Variants in BCAS3 observed in about 807,000 individuals in gnomAD.
BCAS3 encodes BCAS4/BCAS3 fusion.
A neutral mutation model predicts 116.1 loss-of-function variants in BCAS3; 53 were observed. That is an observed-to-expected ratio of 0.46 (90% CI 0.37 to 0.57). The LOEUF (loss-of-function observed/expected upper bound fraction) is 0.57, where lower values mean the gene tolerates loss of function less well. BCAS3 is among the 20% of genes least tolerant of loss of function. BCAS3 has a pLI of 0.00. For missense variants in BCAS3, 917 were observed against 1,165.4 expected, an observed-to-expected ratio of 0.79 and a Z score of 3.10; for synonymous variants, 391 against 408.2, an observed-to-expected ratio of 0.96 and a Z score of 0.51.
At chr17:60,769,774 AT>A (rs976113815) in intron 6 of BCAS3, among the ~76,000 whole-genome samples, 39 of 150,304 alleles carry the variant, frequency 2.6e-4, no homozygotes, top group Admixed American at 3.3e-4. Flanking sequence ...ATTTTTTTTA[AT>A]TTTTTTTTTA....
rs1751146404 is a variant in BCAS3, at chr17:61,041,147, G to A, written c.2029+255G>A. Among the ~76,000 whole-genome samples the A allele has an allele frequency of 6.6e-6, 1 of 151,708 alleles. No individual in the cohort carries two copies. The highest frequency in any genetic ancestry group is 1.5e-5 in the Non-Finnish European group (1 of 67,950). ...TTAAGTTGATAGGGAATATCTGGAG[G>A]GCTCAAAAATTCAAACAAACATAAA... On this transcript the variant is annotated intron_variant, in intron 19 of 23. Transcript: ENST00000407086. This position sits in a 1 kb window ranked among gnomAD's most constrained non-coding sequence, Gnocchi z 4.7.
intron 22 of BCAS3, among the ~76,000 whole-genome samples, chr17:61,328,392 A>G (rs746324333): frequency 2.0e-5 from 3 of 152,228 alleles, no homozygotes; most frequent in Non-Finnish European, 4.4e-5. Flanking sequence ...TCAGACTGCT[A>G]TAACAGAATA....
intron 15 of BCAS3, among the ~76,000 whole-genome samples, chr17:61,014,494 G>A (rs113556294): frequency 0.041 from 6,215 of 151,986 alleles, 456 homozygotes; most frequent in African/African-American, 0.14. Context: ...TTTAGCAAAT[G>A]GTGATGGAAC....
chr17:60,965,517 G>A (rs534797630), intron 14 of BCAS3, among the ~76,000 whole-genome samples: 8 of 152,004 alleles, frequency 5.3e-5, no homozygotes, highest in African/African-American at 1.2e-4. Context: ...CACCACGCCC[G>A]GCCTATATAT....
At chr17:60,929,446 T>A (rs1410411075) in intron 13 of BCAS3, among the ~76,000 whole-genome samples, 3 of 152,102 alleles carry the variant, frequency 2.0e-5, no homozygotes, top group Admixed American at 1.3e-4. Flanking sequence ...ATTAAAAAAT[T>A]AAGTAAAATG....
Position 61,032,223 on chromosome 17 carries a change from C to T in BCAS3, c.1638-2443C>T, listed in dbSNP as rs1359020923. 2.0e-5 allele frequency among the ~76,000 whole-genome samples: 3 copies of T among 152,098 alleles called. No individual in the cohort carries two copies. The highest frequency in any genetic ancestry group is 6.6e-5 in the Admixed American group (1 of 15,258). ...AGGCATGCTCACTTGTTACTTACCACATGATTTAAAAACAACAACAATGAC... is the reference window on the plus strand; with the variant it reads ...AGGCATGCTCACTTGTTACTTACCATATGATTTAAAAACAACAACAATGAC... On this transcript the variant is annotated intron_variant, in intron 16 of 23. Transcript: ENST00000407086. This position sits in a 1 kb window ranked among gnomAD's most constrained non-coding sequence, Gnocchi z 4.6.
chr17:61,102,474 C>T (rs573460638), intron 22 of BCAS3, among the ~76,000 whole-genome samples: 20 of 152,194 alleles, frequency 1.3e-4, no homozygotes, highest in African/African-American at 4.3e-4. Flanking sequence ...GAGGTAAAAG[C>T]ACTGTTACAA....
At chr17:61,221,317 T>C (rs1184814505) in intron 22 of BCAS3, among the ~76,000 whole-genome samples, 7 of 152,166 alleles carry the variant, frequency 4.6e-5, no homozygotes, top group Non-Finnish European at 7.3e-5. Flanking sequence ...TACTTACAAT[T>C]GGTTTTTATC....
rs1277903902 is a variant in BCAS3, at chr17:61,349,018, C to G, written c.2426-19309C>G. On this transcript the variant is annotated intron_variant, in intron 22 of 23. Transcript: ENST00000407086. This position sits in a 1 kb window ranked among gnomAD's most constrained non-coding sequence, Gnocchi z 4.7. ...CCACCCACCTCAGCCTCCCAAAGTG[C>G]TGGGATTACAGGCGTGAGCCACCGT... Among the ~76,000 whole-genome samples the G allele has an allele frequency of 2.0e-5, 3 of 151,884 alleles. No homozygotes were observed. Among genetic ancestry groups the G allele is most frequent in the Non-Finnish European group, 4.4e-5 (3 of 67,960 alleles).
intron 7 of BCAS3, among the ~76,000 whole-genome samples, chr17:60,821,537 A>G (rs1022199750): frequency 4.6e-5 from 7 of 152,164 alleles, no homozygotes; most frequent in Admixed American, 4.6e-4. Context: ...TTTCTTCAAG[A>G]TAACCAATGT....
In BCAS3 at chr17:61,333,255, C is replaced by T. The variant is rs923122146; in HGVS notation, c.2426-35072C>T. On this transcript the variant is annotated intron_variant, in intron 22 of 23. Coordinates refer to ENST00000407086, the MANE Select transcript of BCAS3 (RefSeq NM_017679.5). This position sits in a 1 kb window ranked among gnomAD's most constrained non-coding sequence, Gnocchi z 4.8. ...GAGCAGCTGGTCCCTCAGACCTTGC[C>T]AGCCACTTCTGCGGTGGTTGTCGGT... 1.3e-5 allele frequency among the ~76,000 whole-genome samples: 2 copies of T among 152,170 alleles called. No homozygotes were observed. Among genetic ancestry groups the T allele is most frequent in the Non-Finnish European group, 2.9e-5 (2 of 68,030 alleles).
chr17:61,321,589 T>C (rs1287005219), intron 22 of BCAS3, among the ~76,000 whole-genome samples: 11 of 152,244 alleles, frequency 7.2e-5, no homozygotes, highest in Non-Finnish European at 1.2e-4. Flanking sequence ...GCCGCCAGGC[T>C]GCTTGTGCCC....
At chr17:61,297,798 C>G (rs1227296090) in intron 22 of BCAS3, among the ~76,000 whole-genome samples, 1 of 152,198 alleles carries the variant, frequency 6.6e-6, no homozygotes, top group Non-Finnish European at 1.5e-5. Flanking sequence ...CAGCTATGCT[C>G]TCAACGGTAT....
At chr17:61,353,767 G>C (rs1485296738) in intron 22 of BCAS3, 1 of 152,352 alleles carries the variant, frequency 6.6e-6, no homozygotes, top group Non-Finnish European at 1.5e-5. Context: ...CGCCTGGGCT[G>C]CTGAGTCAGG....
chr17:61,042,102 T>G (rs2067559839), intron 19 of BCAS3, among the ~76,000 whole-genome samples: 1 of 152,030 alleles, frequency 6.6e-6, no homozygotes. Context: ...CAAGAAGCAG[T>G]GCATATAGAA....
At chr17:61,005,644 C>T (rs888344076) in intron 15 of BCAS3, among the ~76,000 whole-genome samples, 2 of 151,692 alleles carry the variant, frequency 1.3e-5, no homozygotes, top group African/African-American at 4.8e-5. Flanking sequence ...AGAAGGAAGG[C>T]GTCCGTGGGT....
At chr17:60,719,324 G>T (rs1232740125) in intron 5 of BCAS3, among the ~76,000 whole-genome samples, 3 of 152,100 alleles carry the variant, frequency 2.0e-5, no homozygotes, top group African/African-American at 7.2e-5. Context: ...TATAGTATTC[G>T]CCAGTGCACA....
At chr17:61,230,653 G>T (rs1192186702) in intron 22 of BCAS3, among the ~76,000 whole-genome samples, 1 of 152,132 alleles carries the variant, frequency 6.6e-6, no homozygotes, top group African/African-American at 2.4e-5. Flanking sequence ...TTATTCCATG[G>T]TGTATATCTA....
rs1389377186 is a variant in BCAS3, at chr17:61,352,667, A to T, written c.2426-15660A>T. On this transcript the variant is annotated intron_variant, in intron 22 of 23. Coordinates refer to ENST00000407086, the MANE Select transcript of BCAS3 (RefSeq NM_017679.5). This position sits in a 1 kb window ranked among gnomAD's most constrained non-coding sequence, Gnocchi z 4.7. ...GAGGGGAAATCACAACCAGATTAAC[A>T]CAGTGATTTGGGCATTTTTTCACAC... Among the ~76,000 whole-genome samples, 2 of 152,188 alleles carry T rather than the reference A, an allele frequency of 1.3e-5. No individual in the cohort carries two copies. The highest frequency in any genetic ancestry group is 2.9e-5 in the Non-Finnish European group (2 of 68,030).
Sources: gnomAD v4.1 joint callset for allele counts (sites outside exome capture counted in the v4.1 genomes callset) on GRCh38, gnomAD v4.1.1 for gene constraint, Gnocchi (gnomAD v3.1) non-coding constraint, MANE v1.5 for transcripts, NCBI Gene and HGNC (gene_info 2026-07-23, HGNC 2026-07-21) for gene names.